Variants in MMP16 observed in about 807,000 individuals in gnomAD.
MMP16 encodes matrix metalloproteinase-16.
In MMP16, 12 loss-of-function variants were observed where a neutral mutation model predicts 67.8. The observed-to-expected ratio is 0.18, with a 90% CI of 0.11 to 0.29. MMP16 has a LOEUF of 0.29. MMP16 is among the 10% of genes least tolerant of loss of function. MMP16 has a pLI of 1.00. For missense variants in MMP16, 475 were observed against 765.7 expected, an observed-to-expected ratio of 0.62 and a Z score of 4.48; for synonymous variants, 249 against 255.9, an observed-to-expected ratio of 0.97 and a Z score of 0.26.
At chr8:88,144,181 G>A (rs574510714) in intron 4 of MMP16, among the ~76,000 whole-genome samples, 1 of 151,822 alleles carries the variant, frequency 6.6e-6, no homozygotes, top group Non-Finnish European at 1.5e-5. Flanking sequence ...GCATTTTCTT[G>A]TTAGTATTTC....
chr8:88,088,253 C>CTA (rs1188392845), intron 6 of MMP16, among the ~76,000 whole-genome samples: 2 of 149,848 alleles, frequency 1.3e-5, no homozygotes, highest in Admixed American at 1.3e-4. Flanking sequence ...CTATAGATAT[C>CTA]TATATATAGA....
intron 1 of MMP16, among the ~76,000 whole-genome samples, chr8:88,253,366 T>C (rs149187109): frequency 6.6e-6 from 1 of 151,810 alleles, no homozygotes; most frequent in Non-Finnish European, 1.5e-5. Flanking sequence ...GGAAAAAGAG[T>C]AATCTTACAG....
At chr8:88,174,659 C>A (rs1272882089) in intron 3 of MMP16, among the ~76,000 whole-genome samples, 2 of 152,052 alleles carry the variant, frequency 1.3e-5, no homozygotes, top group African/African-American at 4.8e-5. Flanking sequence ...TGGAAATTTC[C>A]CCCTTAAATA....
chr8:88,254,103 A>C (rs985103949), intron 1 of MMP16, among the ~76,000 whole-genome samples: 3 of 152,186 alleles, frequency 2.0e-5, no homozygotes, highest in African/African-American at 4.8e-5. Context: ...AATGTGGTAC[A>C]TATACATCAT....
intron 1 of MMP16, among the ~76,000 whole-genome samples, chr8:88,267,559 A>G (rs931179181): frequency 6.6e-6 from 1 of 152,240 alleles, no homozygotes; most frequent in African/African-American, 2.4e-5. Flanking sequence ...CACCTGGCAC[A>G]TAGTGGGCAC....
At position 88,088,100 on chromosome 8, in the gene MMP16, TGCTG is replaced by T. The variant is rs1440180532; in HGVS notation, c.1084-13361_1084-13358del. Among the ~76,000 whole-genome samples the T allele has an allele frequency of 1.5e-3, 224 of 148,124 alleles. 1 individual carries two copies. Among genetic ancestry groups the T allele is most frequent in the Non-Finnish European group, 2.9e-3 (194 of 67,240 alleles). ...TATATATCTATATATAATAGATATCTGCTGACTGTAAGTACAGAAGACGTCTGAC... is the reference window on the plus strand; with the variant it reads ...TATATATCTATATATAATAGATATCTACTGTAAGTACAGAAGACGTCTGAC... On this transcript the variant is annotated intron_variant, in intron 6 of 9. Coordinates refer to ENST00000286614, the MANE Select transcript of MMP16 (RefSeq NM_005941.5).
Position 88,126,953 on chromosome 8 carries a change from C to T in MMP16, c.710-8092G>A, listed in dbSNP as rs954830284. 1.6e-4 allele frequency among the ~76,000 whole-genome samples: 25 copies of T among 151,874 alleles called. 1 individual carries two copies. Among genetic ancestry groups the T allele is most frequent in the Middle Eastern group, 3.4e-3 (1 of 294 alleles). On this transcript the variant is annotated intron_variant, in intron 4 of 9. Coordinates refer to ENST00000286614, the MANE Select transcript of MMP16 (RefSeq NM_005941.5). Reference sequence around the variant, plus strand: ...ATAACAATAACTACTTCTACCACTGCGAGTATTCCTGTAATCAACAAACCT... The same window carrying T: ...ATAACAATAACTACTTCTACCACTGTGAGTATTCCTGTAATCAACAAACCT...
At chr8:88,295,830 T>C (rs1164329983) in intron 1 of MMP16, among the ~76,000 whole-genome samples, 1 of 152,174 alleles carries the variant, frequency 6.6e-6, no homozygotes, top group Non-Finnish European at 1.5e-5. Flanking sequence ...AGGTAATACG[T>C]TGCTTTACAA....
At chr8:88,129,253 A>G (rs372687210) in intron 4 of MMP16, among the ~76,000 whole-genome samples, 1 of 151,888 alleles carries the variant, frequency 6.6e-6, no homozygotes, top group East Asian at 1.9e-4. Context: ...ATAGAATTTT[A>G]GTTGTTTTCC....
intron 6 of MMP16, among the ~76,000 whole-genome samples, chr8:88,107,272 C>T (rs906576286): frequency 7.3e-5 from 11 of 150,920 alleles, no homozygotes; most frequent in Non-Finnish European, 8.9e-5. Flanking sequence ...AACTAAGGTG[C>T]TATTTTTATT....
chr8:88,298,333 T>C (rs955428131), intron 1 of MMP16, among the ~76,000 whole-genome samples: 3 of 152,178 alleles, frequency 2.0e-5, no homozygotes, highest in Non-Finnish European at 4.4e-5. Flanking sequence ...AGGTAGAACA[T>C]GTACTGCTTG....
chr8:88,042,874 C>T (rs1246144055), intron 9 of MMP16, among the ~76,000 whole-genome samples: 1 of 152,126 alleles, frequency 6.6e-6, no homozygotes, highest in African/African-American at 2.4e-5. Context: ...TGTCAAGTTT[C>T]TGTGTGACTA....
At chr8:88,298,988 T>C (rs1018157786) in intron 1 of MMP16, among the ~76,000 whole-genome samples, 1 of 152,198 alleles carries the variant, frequency 6.6e-6, no homozygotes, top group Admixed American at 6.5e-5. Flanking sequence ...ACAATTTGTT[T>C]TGTAAAAATC....
rs78354286 is a variant in MMP16, at chr8:88,130,474, C to T, written c.710-11613G>A. Among the ~76,000 whole-genome samples, 472 of 151,376 alleles carry T rather than the reference C, an allele frequency of 3.1e-3. 3 individuals are homozygous for T. The highest frequency in any genetic ancestry group is 9.7e-3 in the African/African-American group (402 of 41,370). On this transcript the variant is annotated intron_variant, in intron 4 of 9. Coordinates refer to ENST00000286614, the MANE Select transcript of MMP16 (RefSeq NM_005941.5). ...AAAAATGGAAATGAAAATTAAAGGA[C>T]GTTTCTTTTTTTAATGATAGATATA...
intron 6 of MMP16, among the ~76,000 whole-genome samples, chr8:88,082,541 T>C (rs922383017): frequency 1.3e-5 from 2 of 152,184 alleles, no homozygotes; most frequent in Admixed American, 6.6e-5. Flanking sequence ...TCATTTTTGA[T>C]AGCAAATGTA....
chr8:88,197,367 T>A, intron 1 of MMP16, 61 bp from the exon 2 acceptor site: 2 of 1,384,012 alleles, frequency 1.4e-6, no homozygotes, highest in Non-Finnish European at 1.9e-6. Flanking sequence ...AATTTTCTGG[T>A]AATTAATGTA....
At chr8:88,245,969 C>T (rs1163911902) in intron 1 of MMP16, among the ~76,000 whole-genome samples, 1 of 152,092 alleles carries the variant, frequency 6.6e-6, no homozygotes, top group African/African-American at 2.4e-5. Context: ...TCACTTTTCT[C>T]TTCTAAAAGA....
intron 6 of MMP16, among the ~76,000 whole-genome samples, chr8:88,106,239 T>C (rs763827117): frequency 1.3e-5 from 2 of 151,250 alleles, no homozygotes; most frequent in Admixed American, 1.3e-4. Flanking sequence ...TGGGTATACA[T>C]AGGAATCTGG....
intron 4 of MMP16, among the ~76,000 whole-genome samples, chr8:88,119,580 A>C (rs2664361): frequency 0.37 from 55,961 of 151,764 alleles, 11,459 homozygotes; most frequent in East Asian, 0.49. Flanking sequence ...AAACTTGTAC[A>C]GTGAAATCTA....
Sources: allele counts gnomAD v4.1 joint callset (sites outside exome capture counted in the v4.1 genomes callset), GRCh38; gene constraint gnomAD v4.1.1; transcripts MANE v1.5; gene names NCBI Gene and HGNC (gene_info 2026-07-23, HGNC 2026-07-21).